The following ZKSCAN5 variants were observed in gnomAD, a reference collection of about 807,000 sequenced individuals.
The protein encoded by ZKSCAN5 is zinc finger with KRAB and SCAN domains 5.
In ZKSCAN5, 28 loss-of-function variants were observed where a neutral mutation model predicts 60.0. That is an observed-to-expected ratio of 0.47 (90% confidence interval 0.35 to 0.64). ZKSCAN5 has a LOEUF of 0.64. Ranked by LOEUF, ZKSCAN5 falls within the 30% of genes least tolerant of loss-of-function variation. ZKSCAN5 has a pLI of 0.01. For missense variants in ZKSCAN5, 881 were observed against 1,034.6 expected, an observed-to-expected ratio of 0.85 and a Z score of 2.04; for synonymous variants, 361 against 371.2, an observed-to-expected ratio of 0.97 and a Z score of 0.31.
chr7:99,507,458 T>C (rs1207888889), intron 2 of ZKSCAN5, among the ~76,000 whole-genome samples: 1 of 150,210 alleles, frequency 6.7e-6, no homozygotes, highest in Non-Finnish European at 1.5e-5. Context: ...TATGTATATA[T>C]ATGCGTATAT....
At chr7:99,529,223 T>C (rs1562916521) in intron 6 of ZKSCAN5, among the ~76,000 whole-genome samples, 1 of 152,018 alleles carries the variant, frequency 6.6e-6, no homozygotes, top group Non-Finnish European at 1.5e-5. Flanking sequence ...TCACTGCAGC[T>C]TCTGCCTCCT....
chr7:99,527,795 G>A (rs1428444891), intron 6 of ZKSCAN5, among the ~76,000 whole-genome samples: 3 of 151,836 alleles, frequency 2.0e-5, no homozygotes, highest in Non-Finnish European at 4.4e-5. Context: ...AGCGATTCTC[G>A]TGCCTCAGCC....
intron 6 of ZKSCAN5, 75 bp downstream of exon 6, chr7:99,526,493 C>A: frequency 6.5e-7 from 1 of 1,532,266 alleles, no homozygotes; most frequent in Non-Finnish European, 8.7e-7. Flanking sequence ...TACGGTACAA[C>A]AGGACAGATG....
chr7:99,523,007 A>C (rs1207791509), intron 5 of ZKSCAN5, among the ~76,000 whole-genome samples: 1 of 148,900 alleles, frequency 6.7e-6, no homozygotes, highest in Non-Finnish European at 1.5e-5. Flanking sequence ...TCTACTAAAA[A>C]TACAAAAATT....
chr7:99,507,513 G>GTATATATATGTATATATA (rs1800804137), intron 2 of ZKSCAN5, among the ~76,000 whole-genome samples: 7 of 126,916 alleles, frequency 5.5e-5, no homozygotes, highest in African/African-American at 2.0e-4. Context: ...ATATATATGT[G>GTATATATATGTATATATA]TGTATATATG....
chr7:99,509,979 C>T (rs1220838832), intron 2 of ZKSCAN5, among the ~76,000 whole-genome samples: 1 of 152,076 alleles, frequency 6.6e-6, no homozygotes, highest in Non-Finnish European at 1.5e-5. Context: ...GGGCCTCACT[C>T]CGTTGTCCAG....
intron 5 of ZKSCAN5, among the ~76,000 whole-genome samples, chr7:99,522,585 C>T (rs1303307062): frequency 6.6e-6 from 1 of 151,348 alleles, no homozygotes. Context: ...GCTATTCTCG[C>T]ACCTCAGCCT....
At chr7:99,511,387 C>A (rs1456064084) in intron 2 of ZKSCAN5, among the ~76,000 whole-genome samples, 1 of 152,180 alleles carries the variant, frequency 6.6e-6, no homozygotes, top group Non-Finnish European at 1.5e-5. Context: ...CTGGCCTTCT[C>A]ATGATTCCTG....
At chr7:99,517,045 A>G (rs534135639) in intron 3 of ZKSCAN5, among the ~76,000 whole-genome samples, 12 of 152,274 alleles carry the variant, frequency 7.9e-5, no homozygotes, top group South Asian at 2.1e-4. Flanking sequence ...CTTAAACAAA[A>G]TAAAAATTGC....
chr7:99,511,254 G>A lies in ZKSCAN5; in HGVS notation c.415-1199G>A, dbSNP rs367854462. Among the ~76,000 whole-genome samples the A allele has an allele frequency of 5.9e-5, 9 of 152,254 alleles. No individual in the cohort carries two copies. In the East Asian group the frequency reaches 1.5e-3, roughly 26 times the overall value. ...ATTGTGTATATCTAGGGCTGAGCAA[G>A]AACCAAAAACAGAAGGGGTGTGAGG... On this transcript the variant is annotated intron_variant, in intron 2 of 6. Transcript: ENST00000326775.
intron 5 of ZKSCAN5, 150 bp downstream of exon 5, chr7:99,520,454 A>ATTT (rs11419307): frequency 1.7e-5 from 13 of 786,328 alleles, no homozygotes; most frequent in African/African-American, 1.2e-4. Context: ...ATCAGCCTTC[A>ATTT]TTTTTTTTTT....
At chr7:99,516,995 C>T (rs1232728585) in intron 3 of ZKSCAN5, among the ~76,000 whole-genome samples, 1 of 152,096 alleles carries the variant, frequency 6.6e-6, no homozygotes, top group Non-Finnish European at 1.5e-5. Context: ...TTGTCTTGTG[C>T]CACACATAAA....
At chr7:99,510,800 G>A (rs1007643854) in intron 2 of ZKSCAN5, among the ~76,000 whole-genome samples, 4 of 152,010 alleles carry the variant, frequency 2.6e-5, no homozygotes, top group Admixed American at 6.6e-5. Context: ...TGGAGCATTG[G>A]TGCAATCTCA....
chr7:99,529,713 C>G (rs1432604764), intron 6 of ZKSCAN5, among the ~76,000 whole-genome samples: 1 of 152,138 alleles, frequency 6.6e-6, no homozygotes, highest in Non-Finnish European at 1.5e-5. Context: ...TCACCACATC[C>G]ATGCCAACAT....
chr7:99,506,846 C>A (rs2151091830), intron 2 of ZKSCAN5, among the ~76,000 whole-genome samples: 1 of 142,652 alleles, frequency 7.0e-6, no homozygotes, highest in East Asian at 2.1e-4. Context: ...CCAGGCCCGG[C>A]TAATTTTTTT....
chr7:99,527,055 A>G (rs375741331), intron 6 of ZKSCAN5, among the ~76,000 whole-genome samples: 3 of 152,284 alleles, frequency 2.0e-5, no homozygotes, highest in East Asian at 3.9e-4. Context: ...GCCTGGGTAC[A>G]GTGGCTCACA....
At chr7:99,511,546 G>A (rs180809328) in intron 2 of ZKSCAN5, among the ~76,000 whole-genome samples, 6 of 151,904 alleles carry the variant, frequency 3.9e-5, no homozygotes, top group South Asian at 2.1e-4. Context: ...GGGCTCAAGC[G>A]ATCCTCGCAC....
At chr7:99,520,595 C>T (rs11971284) in intron 5 of ZKSCAN5, among the ~76,000 whole-genome samples, 1 of 152,058 alleles carries the variant, frequency 6.6e-6, no homozygotes, top group South Asian at 2.1e-4. Context: ...AGTGGGTTGG[C>T]TGTGGTGGCT....
At position 99,531,455 on chromosome 7, in the gene ZKSCAN5, CCATT is replaced by C; in HGVS notation, c.1729_1732del (p.Phe577GlyfsTer15). On this transcript the variant is annotated frameshift_variant, in exon 7 of 7. Transcript: ENST00000326775. LOFTEE classifies it high-confidence loss of function. ...TCAAAGAATACACACTGGGGAGAAA[CCATT>C]CAGGTGTGAGGAATGTGGGAAAAGC... 6.2e-7 allele frequency: 1 copy of C among 1,614,148 alleles called. No homozygotes were observed. The highest frequency in any genetic ancestry group is 8.5e-7 in the Non-Finnish European group (1 of 1,180,034).
Sources: gnomAD v4.1 joint callset for allele counts (sites outside exome capture counted in the v4.1 genomes callset) on GRCh38, gnomAD v4.1.1 for gene constraint, MANE v1.5 for transcripts, NCBI Gene and HGNC (gene_info 2026-07-23, HGNC 2026-07-21) for gene names.